Variants in SGCZ observed in about 807,000 individuals in gnomAD.
SGCZ encodes sarcoglycan zeta, also known as zeta-sarcoglycan.
A neutral mutation model predicts 41.3 loss-of-function variants in SGCZ; 40 were observed. The ratio of observed to expected loss-of-function variants is 0.97; its 90% CI spans 0.75 to 1.26. The LOEUF is 1.26. Ranked by LOEUF, SGCZ falls within the 50% of genes most tolerant of loss-of-function variation. The pLI is 0.00. For missense variants in SGCZ, 552 were observed against 369.8 expected, an observed-to-expected ratio of 1.49 and a Z score of -4.04; for synonymous variants, 206 against 137.5, an observed-to-expected ratio of 1.50 and a Z score of -3.49.
intron 1 of SGCZ, among the ~76,000 whole-genome samples, chr8:14,634,532 G>C (rs1012494021): frequency 1.3e-5 from 2 of 151,726 alleles, no homozygotes; most frequent in Admixed American, 6.6e-5. Context: ...TGATATTAGT[G>C]GAAGCCTTTT....
chr8:14,364,741 G>A (rs1803638414), intron 2 of SGCZ, among the ~76,000 whole-genome samples: 2 of 151,818 alleles, frequency 1.3e-5, no homozygotes, highest in Non-Finnish European at 2.9e-5. Flanking sequence ...TAAGTTCTTG[G>A]TATATTTTAG....
intron 1 of SGCZ, among the ~76,000 whole-genome samples, chr8:14,732,307 G>A (rs970573943): frequency 2.0e-5 from 3 of 152,114 alleles, no homozygotes; most frequent in African/African-American, 7.2e-5. Flanking sequence ...CTGCTAAGGA[G>A]GGGTAATATC....
chr8:14,889,809 A>G (rs927783589), intron 1 of SGCZ, among the ~76,000 whole-genome samples: 2 of 152,106 alleles, frequency 1.3e-5, no homozygotes, highest in African/African-American at 4.8e-5. Flanking sequence ...GCATATTTTA[A>G]ATATGCAAGT....
chr8:14,674,329 G>C lies in SGCZ; in HGVS notation c.40-119403C>G, dbSNP rs116931291. Among the ~76,000 whole-genome samples the C allele has an allele frequency of 3.5e-3, 530 of 151,928 alleles. 1 individual carries two copies. Among genetic ancestry groups the C allele is most frequent in the Non-Finnish European group, 5.9e-3 (399 of 67,914 alleles). On this transcript the variant is annotated intron_variant, in intron 1 of 7. Coordinates refer to ENST00000382080, the MANE Select transcript of SGCZ (RefSeq NM_139167.4). ...TTCTTTTCTTTTAGTTAAAAGATAAGAGTAAAAATGTGTGGGAAACTACTA... is the reference window on the plus strand; with the variant it reads ...TTCTTTTCTTTTAGTTAAAAGATAACAGTAAAAATGTGTGGGAAACTACTA...
At chr8:14,933,999 C>G (rs185084087) in intron 1 of SGCZ, among the ~76,000 whole-genome samples, 19 of 151,988 alleles carry the variant, frequency 1.3e-4, no homozygotes, top group African/African-American at 4.1e-4. Context: ...CCAACAGGCC[C>G]TCTTATCGAT....
intron 2 of SGCZ, among the ~76,000 whole-genome samples, chr8:14,503,258 G>A (rs560992088): frequency 1.6e-3 from 238 of 152,096 alleles, no homozygotes; most frequent in Non-Finnish European, 2.7e-3. Flanking sequence ...AGAACATATG[G>A]GGACAGGGAG....
chr8:15,204,014 G>C (rs1585671147), intron 1 of SGCZ, among the ~76,000 whole-genome samples: 1 of 152,026 alleles, frequency 6.6e-6, no homozygotes, highest in African/African-American at 2.4e-5. Context: ...TTTATCTTTA[G>C]ACTTATCACA....
rs1400271784 is a variant in SGCZ at position 14,375,006 on chromosome 8, T to C, written c.235-50802A>G. On this transcript the variant is annotated intron_variant, in intron 2 of 7. Transcript: ENST00000382080. ...TTTTGGCAATGGGACAAGTTCTAGG[T>C]ATGACTATGTGGATGAAGCACTGAG... 2.1e-4 allele frequency among the ~76,000 whole-genome samples: 32 copies of C among 152,130 alleles called. 1 individual carries two copies. The highest frequency in any genetic ancestry group is 2.1e-3 in the Admixed American group (32 of 15,270).
intron 1 of SGCZ, among the ~76,000 whole-genome samples, chr8:14,752,094 C>A (rs1156711940): frequency 6.6e-5 from 5 of 75,198 alleles, no homozygotes; most frequent in East Asian, 3.8e-4. Context: ...GCAACAGAGC[C>A]AAAATACCGA....
intron 2 of SGCZ, among the ~76,000 whole-genome samples, chr8:14,488,407 T>C (rs971113965): frequency 6.9e-6 from 1 of 145,622 alleles, no homozygotes; most frequent in East Asian, 2.1e-4. Flanking sequence ...CCCCTCCAGC[T>C]AGACAAAAGT....
chr8:15,220,141 GA>G (rs1189889037), intron 1 of SGCZ, among the ~76,000 whole-genome samples: 1 of 151,864 alleles, frequency 6.6e-6, no homozygotes, highest in South Asian at 2.1e-4. Flanking sequence ...TGAAATAATA[GA>G]AAAAAAGCAC....
chr8:14,241,522 T>A (rs1487796666), intron 3 of SGCZ, among the ~76,000 whole-genome samples: 1 of 144,878 alleles, frequency 6.9e-6, no homozygotes, highest in Non-Finnish European at 1.5e-5. Context: ...ATATATAGCA[T>A]GATATACTAA....
chr8:14,469,618 G>A (rs538496734), intron 2 of SGCZ, among the ~76,000 whole-genome samples: 1 of 151,896 alleles, frequency 6.6e-6, no homozygotes, highest in Non-Finnish European at 1.5e-5. Context: ...TATCCCTTAG[G>A]TAGCTTCAGG....
At chr8:14,445,518 G>C (rs569556022) in intron 2 of SGCZ, among the ~76,000 whole-genome samples, 1 of 151,978 alleles carries the variant, frequency 6.6e-6, no homozygotes, top group African/African-American at 2.4e-5. Flanking sequence ...CCTGACTTTG[G>C]GGAACACTAC....
chr8:14,341,815 G>C (rs1802719125), intron 2 of SGCZ, among the ~76,000 whole-genome samples: 1 of 152,164 alleles, frequency 6.6e-6, no homozygotes, highest in Non-Finnish European at 1.5e-5. Context: ...CACCATGTAA[G>C]AAGTGCCCTT....
At chr8:14,545,706 CACTAA>C (rs1803605194) in intron 2 of SGCZ, among the ~76,000 whole-genome samples, 1 of 152,092 alleles carries the variant, frequency 6.6e-6, no homozygotes, top group Non-Finnish European at 1.5e-5. Context: ...TAAAAAAGGG[CACTAA>C]ACTAAAGTTC....
intron 2 of SGCZ, among the ~76,000 whole-genome samples, chr8:14,527,224 T>C (rs764963633): frequency 7.9e-5 from 12 of 152,182 alleles, no homozygotes; most frequent in Non-Finnish European, 1.8e-4. Context: ...CTTCAGTAAA[T>C]ATGAAATTAT....
chr8:14,462,752 A>G (rs1309852309), intron 2 of SGCZ, among the ~76,000 whole-genome samples: 4 of 152,040 alleles, frequency 2.6e-5, no homozygotes, highest in African/African-American at 7.2e-5. Flanking sequence ...TATTTATGCA[A>G]GAAAAAGTCA....
chr8:14,505,834 C>A (rs574608996), intron 2 of SGCZ, among the ~76,000 whole-genome samples: 6 of 152,038 alleles, frequency 3.9e-5, no homozygotes, highest in South Asian at 2.1e-4. Flanking sequence ...CTTCTTAGGC[C>A]CCATCGTATA....
Sources: gnomAD v4.1 joint callset for allele counts (sites outside exome capture counted in the v4.1 genomes callset) on GRCh38, gnomAD v4.1.1 for gene constraint, MANE v1.5 for transcripts, NCBI Gene and HGNC (gene_info 2026-07-23, HGNC 2026-07-21) for gene names.